PGM1: variants seen among roughly 807,000 people sequenced by gnomAD.
PGM1 encodes phosphoglucomutase 1.
PGM1 carries 52 observed loss-of-function variants against 55.6 expected under a neutral mutation model. That is an observed-to-expected ratio of 0.94 (90% CI 0.75 to 1.18). PGM1 has a LOEUF of 1.18. Among genes scored for constraint, PGM1 ranks in the 50% most tolerant of loss-of-function variants. The pLI, the probability that PGM1 is intolerant of heterozygous loss-of-function variation, is 0.00. For synonymous variants in PGM1, 287 were observed against 271.7 expected, an observed-to-expected ratio of 1.06 and a Z score of -0.55; for missense variants, 724 against 729.3, an observed-to-expected ratio of 0.99 and a Z score of 0.08.
intron 1 of PGM1, among the ~76,000 whole-genome samples, chr1:63,615,550 CTTTTTTTTTTTTT>C (rs1161161385): frequency 4.8e-4 from 30 of 62,988 alleles, no homozygotes; most frequent in Middle Eastern, 0.018. Flanking sequence ...TCTTCTTCTT[CTTTTTTTTTTTTT>C]TTTTTTTTTT....
At chr1:63,593,780 G>T in intron 1 of PGM1, 46 bp downstream of exon 1, 2 of 1,521,660 alleles carry the variant, frequency 1.3e-6, no homozygotes, top group Non-Finnish European at 8.8e-7. Context: ...TGGCGCGTGT[G>T]CGACGTGCGG....
chr1:63,618,048 T>C (rs1338513120), intron 1 of PGM1, among the ~76,000 whole-genome samples: 2 of 152,242 alleles, frequency 1.3e-5, no homozygotes, highest in African/African-American at 4.8e-5. Context: ...CAGGGCATAC[T>C]ATAGCCACCC....
intron 2 of PGM1, 99 bp from the exon 3 acceptor site, chr1:63,629,843 G>A (rs1557431307): frequency 3.7e-6 from 5 of 1,350,936 alleles, no homozygotes; most frequent in Non-Finnish European, 5.3e-6. Context: ...ATGATGAAAT[G>A]GTAGATGTGC....
intron 7 of PGM1, among the ~76,000 whole-genome samples, chr1:63,643,312 C>T (rs928598679): frequency 6.6e-6 from 1 of 152,210 alleles, no homozygotes. Context: ...ACGCCTTGTG[C>T]ATCTTGGTAT....
chr1:63,618,331 A>T (rs1648797264), intron 1 of PGM1, among the ~76,000 whole-genome samples: 1 of 152,220 alleles, frequency 6.6e-6, no homozygotes, highest in South Asian at 2.1e-4. Context: ...GTTTTCTGGA[A>T]TGTTCCACTA....
Position 63,659,926 on chromosome 1 carries a change from TG to T in PGM1, c.*254del. On this transcript the variant is annotated 3_prime_UTR_variant, in exon 11 of 11. Coordinates refer to ENST00000371084, the MANE Select transcript of PGM1 (RefSeq NM_002633.3). ...CATGCCCTCCTGCATTGCTGCTGCG[TG>T]GGTATTTGTCTCCTTAGCCATCAGG... 1.7e-6 allele frequency: 1 copy of T among 588,810 alleles called. No homozygotes were observed. Among genetic ancestry groups the T allele is most frequent in the South Asian group, 1.9e-5 (1 of 53,244 alleles). The allele number at this position is 588,810 out of a possible 1,614,324, so 36.5% of individuals were successfully genotyped here.
intron 1 of PGM1, among the ~76,000 whole-genome samples, chr1:63,601,871 C>G (rs1648253760): frequency 6.6e-6 from 1 of 152,170 alleles, no homozygotes; most frequent in Admixed American, 6.5e-5. Context: ...ATAAAGACAG[C>G]CCTGAATTAA....
chr1:63,644,588 C>A (rs563674540), intron 7 of PGM1, among the ~76,000 whole-genome samples: 63 of 152,226 alleles, frequency 4.1e-4, no homozygotes, highest in African/African-American at 1.5e-3. Context: ...TAATAATTTT[C>A]CATAAAAGCC....
Position 63,613,259 on chromosome 1 carries a change from C to CTTTTTTTTTTTT in PGM1, c.247-16155_247-16144dup, listed in dbSNP as rs11377805. On this transcript the variant is annotated intron_variant, in intron 1 of 10. Coordinates refer to ENST00000371084, the MANE Select transcript of PGM1 (RefSeq NM_002633.3). ...TCTGCTGCAAAAGGAGTTGGCTTAT[C>CTTTTTTTTTTTT]TTTTTTTTTTTTTTTTTTTTTTAAG... is the stretch of plus-strand genomic sequence containing the variant. Among the ~76,000 whole-genome samples the CTTTTTTTTTTTT allele has an allele frequency of 1.3e-4, 14 of 107,866 alleles. 1 individual carries two copies. Among genetic ancestry groups the CTTTTTTTTTTTT allele is most frequent in the African/African-American group, 4.0e-4 (10 of 24,964 alleles). The allele number at this position is 107,866 out of a possible 152,430, so 70.8% of individuals were successfully genotyped here. A position where few individuals can be genotyped will look rare whatever the true frequency, so the allele number is the denominator to read the frequency against.
In PGM1 at chr1:63,648,523, A is replaced by T. The variant is rs752797686; in HGVS notation, c.1151A>T (p.Asp384Val). 5.0e-6 allele frequency: 8 copies of T among 1,614,054 alleles called. No homozygotes were observed. The highest frequency in any genetic ancestry group is 1.7e-4 in the Middle Eastern group (1 of 6,060). Residue 384 changes from aspartate (D) to valine (V), a missense_variant, in exon 8 of 11, where the codon GAC becomes GTC. Around this residue, in one of 3 missense-constraint regions of PGM1, gnomAD observed 316 missense variants for 313.1 expected, o/e 1.01. Coordinates refer to ENST00000371084, the MANE Select transcript of PGM1 (RefSeq NM_002633.3). ...CTTGCTGTCCCCCCTCCAGGTTCTGACCACATCCGTGAGAAAGATGGACTG... is the reference window on the plus strand; with the variant it reads ...CTTGCTGTCCCCCCTCCAGGTTCTGTCCACATCCGTGAGAAAGATGGACTG... ...CGEESFGTGS[D>V]HIREKDGLWA...
intron 1 of PGM1, among the ~76,000 whole-genome samples, chr1:63,610,593 G>C (rs1417046981): frequency 6.6e-6 from 1 of 152,140 alleles, no homozygotes; most frequent in Non-Finnish European, 1.5e-5. Context: ...TGGGGGTTTT[G>C]ATGGGAAATA....
chr1:63,651,554 T>C, intron 8 of PGM1, 115 bp from the exon 9 acceptor site: 1 of 959,500 alleles, frequency 1.0e-6, no homozygotes, highest in African/African-American at 1.6e-5. Flanking sequence ...CAGCTTCTTC[T>C]GAAGTTAGAT....
intron 1 of PGM1, among the ~76,000 whole-genome samples, chr1:63,614,652 G>A (rs941943052): frequency 6.6e-6 from 1 of 152,128 alleles, no homozygotes; most frequent in Non-Finnish European, 1.5e-5. Flanking sequence ...AACTTGGGTT[G>A]GCTGAATCAA....
At chr1:63,629,856 G>A in intron 2 of PGM1, 86 bp from the exon 3 acceptor site, 2 of 1,451,558 alleles carry the variant, frequency 1.4e-6, no homozygotes, top group Admixed American at 3.3e-5. Context: ...AGATGTGCTA[G>A]TGAAGAGGAA....
chr1:63,593,577 A>G lies in PGM1; in HGVS notation c.89A>G (p.Gln30Arg), dbSNP rs1647930289. The change falls in exon 1 of 11, where the codon CAG becomes CGG. Residue 30 changes from glutamine (Q) to arginine (R), a missense_variant. Gln to Arg is a conservative substitution (Grantham distance 43, BLOSUM62 1). This residue lies in a region of PGM1 where 379 missense variants were observed against 357.5 expected (regional missense o/e 1.06). Coordinates refer to ENST00000371084, the MANE Select transcript of PGM1 (RefSeq NM_002633.3). ...SGLRKRVKVF[Q>R]SSANYAENFI... is the part of the protein sequence containing the mutation. ...CTGCGGAAGCGGGTGAAGGTGTTCCAGAGCAGCGCCAACTACGCGGAGAAC... is the reference window on the plus strand; with the variant it reads ...CTGCGGAAGCGGGTGAAGGTGTTCCGGAGCAGCGCCAACTACGCGGAGAAC... 5 of 1,613,694 alleles carry G rather than the reference A, an allele frequency of 3.1e-6. No individual in the cohort carries two copies. Among genetic ancestry groups the G allele is most frequent in the African/African-American group, 1.3e-5 (1 of 74,946 alleles).
chr1:63,645,082 A>C (rs1445720296), intron 7 of PGM1, among the ~76,000 whole-genome samples: 1 of 152,230 alleles, frequency 6.6e-6, no homozygotes, highest in Non-Finnish European at 1.5e-5. Flanking sequence ...GTATTAATTG[A>C]ATTACCTGGA....
intron 1 of PGM1, among the ~76,000 whole-genome samples, chr1:63,596,744 A>G (rs1648085005): frequency 6.6e-6 from 1 of 152,178 alleles, no homozygotes. Flanking sequence ...TCCCATAGAT[A>G]ATTCTAGAAT....
chr1:63,625,333 T>C (rs972684799), intron 1 of PGM1, among the ~76,000 whole-genome samples: 2 of 152,210 alleles, frequency 1.3e-5, no homozygotes, highest in African/African-American at 4.8e-5. Flanking sequence ...CCAAGCAATA[T>C]TTTCAAGTCT....
intron 4 of PGM1, among the ~76,000 whole-genome samples, chr1:63,632,857 T>C (rs1427778819): frequency 7.9e-5 from 12 of 151,988 alleles, no homozygotes; most frequent in Admixed American, 7.9e-4. Flanking sequence ...TAAAAGTCTC[T>C]ATAAAAATAC....
Sources: gnomAD v4.1 joint callset for allele counts (sites outside exome capture counted in the v4.1 genomes callset) on GRCh38, gnomAD v4.1.1 for gene constraint, gnomAD v4.1.1 regional missense constraint, MANE v1.5 for transcripts, NCBI Gene and HGNC (gene_info 2026-07-23, HGNC 2026-07-21) for gene names.